MID1: variants seen among roughly 807,000 people sequenced by gnomAD.
MID1 encodes E3 ubiquitin-protein ligase Midline-1.
In MID1, 7 loss-of-function variants were observed where a neutral mutation model predicts 40.4. The ratio of observed to expected loss-of-function variants is 0.17; its 90% CI spans 0.10 to 0.33. The LOEUF is 0.33. Among genes scored for constraint, MID1 ranks in the 10% least tolerant of loss-of-function variants. The pLI is 1.00. For synonymous variants in MID1, 229 were observed against 221.2 expected, an observed-to-expected ratio of 1.04 and a Z score of -0.31; for missense variants, 367 against 558.5, an observed-to-expected ratio of 0.66 and a Z score of 3.46.
intron 1 of MID1, among the ~76,000 whole-genome samples, chrX:10,630,796 G>C (rs1936045083): frequency 9.0e-6 from 1 of 111,320 alleles, no homozygotes; most frequent in Non-Finnish European, 1.9e-5. Flanking sequence ...GGTGACTTGG[G>C]GAGTTCCTGG....
At chrX:10,769,477 T>C (rs2043751165) in intron 1 of MID1, among the ~76,000 whole-genome samples, 1 of 111,920 alleles carries the variant, frequency 8.9e-6, no homozygotes, top group Admixed American at 9.5e-5. Context: ...TTGAGACTGT[T>C]GTATGCCCTC....
chrX:10,783,515 CCTT>C (rs1378657686), intron 1 of MID1, among the ~76,000 whole-genome samples: 1 of 111,468 alleles, frequency 9.0e-6, no homozygotes, highest in Non-Finnish European at 1.9e-5. Context: ...GCTTAATTGT[CCTT>C]CTATCACGCA....
At chrX:10,736,509 C>T (rs1167737081) in intron 1 of MID1, among the ~76,000 whole-genome samples, 1 of 112,163 alleles carries the variant, frequency 8.9e-6, no homozygotes, top group African/African-American at 3.2e-5. Context: ...TTATACTTGT[C>T]TGGGTCTGAT....
Position 10,651,838 on chromosome X carries a change from G to A in MID1, c.-186-31419C>T, listed in dbSNP as rs181543899. On this transcript the variant is annotated intron_variant, in intron 1 of 10. Transcript: ENST00000380785. ...AGGCGGGGTCCCACCATGTTGCCCA[G>A]GTTAGTCTTGCTCTCCTGGGCTCAA... is the stretch of plus-strand genomic sequence containing the variant. Among the ~76,000 whole-genome samples the A allele has an allele frequency of 5.4e-5, 6 of 111,200 alleles. No individual in the cohort carries two copies. In the East Asian group the frequency reaches 1.7e-3, roughly 32 times the overall value.
intron 1 of MID1, among the ~76,000 whole-genome samples, chrX:10,744,652 C>G (rs761118735): frequency 9.0e-6 from 1 of 111,425 alleles, no homozygotes; most frequent in East Asian, 2.8e-4. Context: ...ACTCCTTAAG[C>G]CTTGGAGTCC....
intron 1 of MID1, among the ~76,000 whole-genome samples, chrX:10,669,869 G>A (rs958360406): frequency 5.3e-5 from 6 of 112,211 alleles, no homozygotes; most frequent in African/African-American, 1.9e-4. Context: ...ATTGCCCCAA[G>A]ATATACCTAC....
intron 1 of MID1, among the ~76,000 whole-genome samples, chrX:10,747,725 T>C (rs1045679720): frequency 2.7e-5 from 3 of 112,302 alleles, no homozygotes; most frequent in African/African-American, 9.7e-5. Context: ...CATTTCTGAA[T>C]GGAAGTCTTC....
intron 1 of MID1, among the ~76,000 whole-genome samples, chrX:10,660,817 A>C (rs1481765092): frequency 8.9e-6 from 1 of 112,187 alleles, no homozygotes; most frequent in African/African-American, 3.2e-5. Flanking sequence ...TACAGAAACA[A>C]AATATGCAGA....
intron 1 of MID1, among the ~76,000 whole-genome samples, chrX:10,629,641 T>C (rs1373573504): frequency 8.9e-6 from 1 of 112,548 alleles, no homozygotes; most frequent in Non-Finnish European, 1.9e-5. Context: ...GGTATTGTGC[T>C]ATGCAGAGGA....
intron 1 of MID1, among the ~76,000 whole-genome samples, chrX:10,585,183 T>C (rs930142411): frequency 9.0e-6 from 1 of 111,567 alleles, no homozygotes; most frequent in African/African-American, 3.3e-5. Flanking sequence ...CACGTCTGGT[T>C]GCTAGGCGCC....
intron 1 of MID1, among the ~76,000 whole-genome samples, chrX:10,704,604 A>C (rs2043213372): frequency 9.3e-6 from 1 of 107,491 alleles, no homozygotes; most frequent in Admixed American, 1.0e-4. Context: ...ACAGAATCCA[A>C]ATGTCATTGC....
At chrX:10,693,060 A>T (rs2043140716) in intron 1 of MID1, among the ~76,000 whole-genome samples, 1 of 111,362 alleles carries the variant, frequency 9.0e-6, no homozygotes, top group Non-Finnish European at 1.9e-5. Context: ...TACATATTCC[A>T]TTATTTTCCT....
At chrX:10,588,099 T>C (rs1023509070) in intron 1 of MID1, among the ~76,000 whole-genome samples, 2 of 112,216 alleles carry the variant, frequency 1.8e-5, no homozygotes, top group African/African-American at 3.2e-5. Flanking sequence ...GCTAATATGT[T>C]TACACACAGA....
At chrX:10,646,486 C>T (rs776677728) in intron 1 of MID1, among the ~76,000 whole-genome samples, 2 of 111,041 alleles carry the variant, frequency 1.8e-5, no homozygotes, top group South Asian at 7.7e-4. Flanking sequence ...TGAGAAAGAC[C>T]CCAAAACTGT....
rs1224524115 is a variant in MID1 at position 10,469,765 on chromosome X, T to A, written c.1217A>T (p.Asp406Val). 1.7e-6 allele frequency: 2 copies of A among 1,209,103 alleles called. No individual in the cohort carries two copies. Among genetic ancestry groups the A allele is most frequent in the Non-Finnish European group, 2.2e-6 (2 of 894,479 alleles). ...YDTITVHWTSDDEFSVVSYEL... is the reference protein window; with the variant it reads ...YDTITVHWTSVDEFSVVSYEL... ...GTAGGAGACCACGCTGAACTCATCA[T>A]CGGAGGTCCAATGCACAGTGATGGT... Residue 406 changes from aspartate to valine, a missense_variant, in exon 7 of 10, where the codon GAT becomes GTT. Physicochemically the swap from Asp to Val is radical, Grantham distance 152. Transcript: ENST00000317552.
chrX:10,810,776 G>C (rs747020386), intron 1 of MID1, among the ~76,000 whole-genome samples: 115 of 109,303 alleles, frequency 1.1e-3, no homozygotes, highest in African/African-American at 3.7e-3. Flanking sequence ...TTGTGGGCTT[G>C]TTTGGAAGCC....
At chrX:10,722,190 G>T (rs2043360787) in intron 1 of MID1, among the ~76,000 whole-genome samples, 1 of 111,424 alleles carries the variant, frequency 9.0e-6, no homozygotes, top group Admixed American at 9.6e-5. Context: ...TTTCTCTAAA[G>T]CTTCTTCTAG....
chrX:10,461,649 G>GTACTT (rs1929048076), intron 7 of MID1, among the ~76,000 whole-genome samples: 2 of 110,903 alleles, frequency 1.8e-5, no homozygotes, highest in African/African-American at 6.6e-5. Context: ...CTCTCTTTAG[G>GTACTT]TACTTAATAT....
chrX:10,758,036 G>A (rs751923605), intron 1 of MID1, among the ~76,000 whole-genome samples: 6 of 109,846 alleles, frequency 5.5e-5, no homozygotes, highest in Non-Finnish European at 1.1e-4. Context: ...CATGATCTCC[G>A]CTTTGCAGCC....
Sources: gnomAD v4.1 joint callset for allele counts (sites outside exome capture counted in the v4.1 genomes callset) on GRCh38, gnomAD v4.1.1 for gene constraint, MANE v1.5 for transcripts, NCBI Gene and HGNC (gene_info 2026-07-23, HGNC 2026-07-21) for gene names.